Variants in CYB5R4 observed in about 807,000 individuals in gnomAD.
The protein encoded by CYB5R4 is N-terminal cytochrome b5 and cytochrome b5 oxidoreductase domain-containing protein.
In CYB5R4, 55 loss-of-function variants were observed where a neutral mutation model predicts 70.2. The ratio of observed to expected loss-of-function variants is 0.78; its 90% CI spans 0.63 to 0.98. The LOEUF (loss-of-function observed/expected upper bound fraction) is 0.98. CYB5R4 is among the 50% of genes least tolerant of loss of function. The probability of loss-of-function intolerance (pLI) is 0.00; values close to 1 mark genes in which losing one functional copy is unlikely to be tolerated. For missense variants in CYB5R4, 562 were observed against 612.6 expected, an observed-to-expected ratio of 0.92 and a Z score of 0.87; for synonymous variants, 197 against 199.5, an observed-to-expected ratio of 0.99 and a Z score of 0.11.
chr6:83,951,109 G>C (rs1173502583), intron 14 of CYB5R4, among the ~76,000 whole-genome samples: 1 of 152,084 alleles, frequency 6.6e-6, no homozygotes, highest in Non-Finnish European at 1.5e-5. Flanking sequence ...TGCCAGTTGT[G>C]CCAGTTAGTA....
At chr6:83,878,440 C>T (rs987392321) in intron 2 of CYB5R4, among the ~76,000 whole-genome samples, 7 of 152,032 alleles carry the variant, frequency 4.6e-5, no homozygotes, top group East Asian at 1.9e-4. Flanking sequence ...CTCCGCCTCC[C>T]GGGTTCACGC....
chr6:83,934,238 A>T (rs1022825150), intron 10 of CYB5R4, among the ~76,000 whole-genome samples: 1 of 151,872 alleles, frequency 6.6e-6, no homozygotes, highest in Non-Finnish European at 1.5e-5. Flanking sequence ...TTTAAAAAAA[A>T]ATTAAAAAAA....
chr6:83,916,683 ATGAG>A (rs990594929), intron 5 of CYB5R4, among the ~76,000 whole-genome samples: 5 of 152,146 alleles, frequency 3.3e-5, no homozygotes, highest in African/African-American at 1.2e-4. Flanking sequence ...TGGAAGCTGA[ATGAG>A]TAAGGCCTGG....
In CYB5R4 at chr6:83,914,413, C is replaced by A; in HGVS notation, c.413-3C>A. ...TGACTTTTTTTTCTAAATCACTATA[C>A]AGACTATCGTGAGGAGGAAAAGAAA... On this transcript the variant is annotated splice_polypyrimidine_tract_variant and splice_region_variant and intron_variant, in intron 4 of 15. Coordinates refer to ENST00000369681, the MANE Select transcript of CYB5R4 (RefSeq NM_016230.4). 6.5e-7 allele frequency: 1 copy of A among 1,533,618 alleles called. No homozygotes were observed. Among genetic ancestry groups the A allele is most frequent in the Admixed American group, 1.9e-5 (1 of 52,076 alleles).
rs1429953904 is a variant in CYB5R4, at chr6:83,959,852, A to T, written c.1540A>T (p.Asn514Tyr). Residue 514 changes from asparagine to tyrosine, a missense_variant, in exon 16 of 16, where the codon AAT (asparagine) becomes TAT (tyrosine). By Grantham distance (143) the Asn-to-Tyr change is moderately radical. Coordinates refer to ENST00000369681, the MANE Select transcript of CYB5R4 (RefSeq NM_016230.4). The part of the protein sequence containing the change: ...RLLHDLNFSK[N>Y]EIHSFTA Reference sequence around the variant, plus strand: ...GCTGCATGATCTCAACTTTTCCAAAAATGAGATCCATAGTTTTACAGCATA... The same window carrying T: ...GCTGCATGATCTCAACTTTTCCAAATATGAGATCCATAGTTTTACAGCATA... The T allele has an allele frequency of 1.2e-6, 2 of 1,601,126 alleles. No individual in the cohort carries two copies. The highest frequency in any genetic ancestry group is 1.7e-6 in the Non-Finnish European group (2 of 1,174,652).
chr6:83,919,315 A>G (rs1247671231), intron 6 of CYB5R4, 82 bp from the exon 7 acceptor site: 2 of 783,812 alleles, frequency 2.6e-6, no homozygotes, highest in African/African-American at 3.7e-5. Flanking sequence ...CTCATTATAA[A>G]TTTTAAACAT....
chr6:83,907,464 A>AT (rs369357375), intron 3 of CYB5R4, among the ~76,000 whole-genome samples: 3 of 145,440 alleles, frequency 2.1e-5, no homozygotes, highest in Non-Finnish European at 3.0e-5. Flanking sequence ...ATGGCCCTTC[A>AT]TTTTTTTTGT....
chr6:83,925,117 G>A (rs1197422396), intron 10 of CYB5R4, among the ~76,000 whole-genome samples: 1 of 152,160 alleles, frequency 6.6e-6, no homozygotes, highest in Non-Finnish European at 1.5e-5. Flanking sequence ...TGTATAGGAA[G>A]CATGGTCCTG....
chr6:83,879,269 G>A (rs2099459080), intron 2 of CYB5R4, among the ~76,000 whole-genome samples: 1 of 152,104 alleles, frequency 6.6e-6, no homozygotes, highest in South Asian at 2.1e-4. Context: ...GCAGGGCAAA[G>A]GGTCTAGGAT....
intron 2 of CYB5R4, among the ~76,000 whole-genome samples, chr6:83,868,749 C>A (rs1432746022): frequency 6.6e-6 from 1 of 152,164 alleles, no homozygotes; most frequent in Non-Finnish European, 1.5e-5. Context: ...AATCACTCGT[C>A]TGAGAGTTCT....
intron 1 of CYB5R4, among the ~76,000 whole-genome samples, chr6:83,862,371 C>T (rs2099456085): frequency 6.6e-6 from 1 of 152,148 alleles, no homozygotes; most frequent in Non-Finnish European, 1.5e-5. Context: ...TCATAGGTTG[C>T]ATGAAATAGT....
At chr6:83,862,076 T>A (rs1217902195) in intron 1 of CYB5R4, among the ~76,000 whole-genome samples, 1 of 152,230 alleles carries the variant, frequency 6.6e-6, no homozygotes, top group Non-Finnish European at 1.5e-5. Context: ...AGTTAATCTC[T>A]TTGAGTCTGT....
chr6:83,961,770 T>A lies in CYB5R4; in HGVS notation c.*1892T>A, dbSNP rs2099473388. The A allele has an allele frequency of 2.0e-5, 3 of 152,104 alleles. No homozygotes were observed. In the South Asian group the frequency reaches 6.2e-4, roughly 32 times the overall value. The allele number at this position is 152,104 out of a possible 1,614,324, so 9.4% of individuals were successfully genotyped here. A position where few individuals can be genotyped will look rare whatever the true frequency, so the allele number is the denominator to read the frequency against. ...TCTAACTTAGCCAACATCTTTCTCA[T>A]CTTTTCTAAGCCTCTTCTTTTTTCT... On this transcript the variant is annotated 3_prime_UTR_variant, in exon 16 of 16. Coordinates refer to ENST00000369681, the MANE Select transcript of CYB5R4 (RefSeq NM_016230.4).
intron 11 of CYB5R4, among the ~76,000 whole-genome samples, chr6:83,935,971 T>A (rs2099468856): frequency 6.6e-6 from 1 of 152,172 alleles, no homozygotes; most frequent in African/African-American, 2.4e-5. Context: ...ATATTTCTAT[T>A]AAATTAGACT....
At chr6:83,859,969 T>C (rs2099455681) in intron 1 of CYB5R4, 112 bp downstream of exon 1, 2 of 1,017,762 alleles carry the variant, frequency 2.0e-6, no homozygotes, top group Admixed American at 2.8e-5. Flanking sequence ...AAGCTGTCGT[T>C]CCCTGCTGTC....
At chr6:83,866,646 C>T (rs908926606) in intron 2 of CYB5R4, among the ~76,000 whole-genome samples, 9 of 151,620 alleles carry the variant, frequency 5.9e-5, no homozygotes, top group African/African-American at 1.5e-4. Flanking sequence ...GACAGGATCT[C>T]GCTTTGTCCC....
intron 14 of CYB5R4, among the ~76,000 whole-genome samples, chr6:83,942,347 T>C (rs1340459296): frequency 6.6e-6 from 1 of 152,164 alleles, no homozygotes; most frequent in Non-Finnish European, 1.5e-5. Flanking sequence ...GGTGGGGTGT[T>C]GTCTCACCCG....
intron 4 of CYB5R4, chr6:83,909,933 T>TA: frequency 7.9e-7 from 1 of 1,260,256 alleles, no homozygotes. Flanking sequence ...TTTTCTGGCC[T>TA]AAAATGTTAA....
intron 3 of CYB5R4, among the ~76,000 whole-genome samples, chr6:83,907,654 G>A (rs1473750520): frequency 6.6e-6 from 1 of 152,030 alleles, no homozygotes; most frequent in Non-Finnish European, 1.5e-5. Flanking sequence ...CCCTCAAGTA[G>A]TGTCTGTTGT....
Sources: allele counts gnomAD v4.1 joint callset (sites outside exome capture counted in the v4.1 genomes callset), GRCh38; gene constraint gnomAD v4.1.1; transcripts MANE v1.5; gene names NCBI Gene and HGNC (gene_info 2026-07-23, HGNC 2026-07-21).